The following MYO10 variants were observed in gnomAD, a reference collection of about 807,000 sequenced individuals.
MYO10 encodes myosin X.
In MYO10, 133 loss-of-function variants were observed where a neutral mutation model predicts 257.3. That is an observed-to-expected ratio of 0.52 (90% CI 0.45 to 0.60). MYO10 has a LOEUF of 0.60. MYO10 is among the 20% of genes least tolerant of loss of function. MYO10 has a pLI of 0.00. For synonymous variants in MYO10, 1,104 were observed against 1,028.6 expected, an observed-to-expected ratio of 1.07 and a Z score of -1.40; for missense variants, 2,399 against 2,635.7, an observed-to-expected ratio of 0.91 and a Z score of 1.97.
In MYO10 at chr5:16,928,385, G is replaced by T. The variant is rs112814889; in HGVS notation, c.21+7403C>A. On this transcript the variant is annotated intron_variant, in intron 1 of 40. Transcript: ENST00000513610. The stretch of plus-strand genomic sequence containing the variant: ...AATTTTTGGATTTTATTAGAGACAG[G>T]GTTTCACTATGTTGCCCAGGCTGGT... Among the ~76,000 whole-genome samples, 1,237 of 152,024 alleles carry T rather than the reference G, an allele frequency of 8.1e-3. 24 individuals are homozygous for T. Among genetic ancestry groups the T allele is most frequent in the African/African-American group, 0.029 (1,182 of 41,464 alleles).
chr5:16,771,546 A>G, intron 9 of MYO10, among the ~76,000 whole-genome samples: 1 of 119,748 alleles, frequency 8.4e-6, no homozygotes, highest in Admixed American at 9.5e-5. Context: ...TACTATTATG[A>G]TTTATTATTA....
chr5:16,808,872 A>G (rs1742351390), intron 3 of MYO10, among the ~76,000 whole-genome samples: 1 of 151,904 alleles, frequency 6.6e-6, no homozygotes, highest in South Asian at 2.1e-4. Context: ...GGGTTTCACC[A>G]TGTTGGCCAG....
chr5:16,865,766 G>A (rs895651070), intron 2 of MYO10, among the ~76,000 whole-genome samples: 24 of 151,316 alleles, frequency 1.6e-4, no homozygotes, highest in African/African-American at 2.7e-4. Flanking sequence ...AGCCAAGATC[G>A]CACCACTACA....
intron 21 of MYO10, among the ~76,000 whole-genome samples, chr5:16,705,598 C>A (rs565922816): frequency 6.6e-6 from 1 of 152,308 alleles, no homozygotes; most frequent in East Asian, 1.9e-4. Flanking sequence ...TAACAATCCA[C>A]ACAGATGCAT....
At chr5:16,790,230 T>C (rs1741712314) in intron 4 of MYO10, among the ~76,000 whole-genome samples, 1 of 152,136 alleles carries the variant, frequency 6.6e-6, no homozygotes, top group Admixed American at 6.5e-5. Context: ...GCAAAGATCC[T>C]GAACCAACAG....
At chr5:16,904,925 T>C (rs748513709) in intron 1 of MYO10, among the ~76,000 whole-genome samples, 11 of 151,672 alleles carry the variant, frequency 7.3e-5, no homozygotes, top group Non-Finnish European at 1.6e-4. Flanking sequence ...CAAGACTCCA[T>C]CTCAAAAAAA....
rs1738572895 is a variant in MYO10, at chr5:16,710,962, G to A, written c.2115C>T (p.Ser705=). The A allele has an allele frequency of 1.2e-6, 2 of 1,613,890 alleles. No homozygotes were observed. The highest frequency in any genetic ancestry group is 2.2e-5 in the East Asian group (1 of 44,866). The stretch of plus-strand genomic sequence containing the variant: ...TGGAGGCATCATAGAGCTGCAGCAG[G>A]CTCGTGCACTTCCCTCGGACGTCCT... ...LPEDVRGKCT[S]LLQLYDASNS... is the part of the protein sequence containing the mutation. Residue 705 remains serine (S), a synonymous_variant, in exon 21 of 41, where the codon AGC becomes AGT. Transcript: ENST00000513610.
rs548882156 is a variant in MYO10, at chr5:16,664,604, C to T, written c.*2088G>A. ...AGAAGTGGCGCTTGCTCATGCTAGACGCCTGGCCTGGTGGTTTGGGTACAT... is the reference window on the plus strand; with the variant it reads ...AGAAGTGGCGCTTGCTCATGCTAGATGCCTGGCCTGGTGGTTTGGGTACAT... On this transcript the variant is annotated 3_prime_UTR_variant, in exon 41 of 41. Transcript: ENST00000513610. The T allele has an allele frequency of 2.6e-5, 4 of 152,284 alleles. No individual in the cohort carries two copies. Among genetic ancestry groups the T allele is most frequent in the East Asian group, 1.9e-4 (1 of 5,172 alleles). 9.4% of individuals were successfully genotyped at this position (152,284 alleles called of 1,614,324 possible).
chr5:16,805,649 C>T (rs527733908), intron 3 of MYO10, among the ~76,000 whole-genome samples: 11 of 152,188 alleles, frequency 7.2e-5, no homozygotes, highest in African/African-American at 2.6e-4. Flanking sequence ...GGTGGGGCCA[C>T]GTACCGGTTT....
Position 16,816,337 on chromosome 5 carries a change from C to CAA in MYO10, c.279+1670_279+1671dup, listed in dbSNP as rs369557076. On this transcript the variant is annotated intron_variant, in intron 3 of 40. Coordinates refer to ENST00000513610, the MANE Select transcript of MYO10 (RefSeq NM_012334.3). ...CTGGTGACAGAGTGAGACTCTGTCTCAAAAAAAAAAAAAAAAGGCAAATAC... is the reference window on the plus strand; with the variant it reads ...CTGGTGACAGAGTGAGACTCTGTCTCAAAAAAAAAAAAAAAAAAGGCAAATAC... 3.3e-3 allele frequency among the ~76,000 whole-genome samples: 356 copies of CAA among 106,300 alleles called. 6 individuals are homozygous for CAA. Among genetic ancestry groups the CAA allele is most frequent in the African/African-American group, 0.012 (321 of 27,614 alleles). The allele number at this position is 106,300 out of a possible 152,430, so 69.7% of individuals were successfully genotyped here.
chr5:16,838,367 T>C lies in MYO10; in HGVS notation c.121-20200A>G, dbSNP rs529603452. ...GTCTTGTTGCTGACATAGAGGAAGT[T>C]TGAGTGGTCTGGATAGATCAAACCA... On this transcript the variant is annotated intron_variant, in intron 2 of 40. Coordinates refer to ENST00000513610, the MANE Select transcript of MYO10 (RefSeq NM_012334.3). Among the ~76,000 whole-genome samples the C allele has an allele frequency of 1.4e-4, 22 of 152,294 alleles. 1 individual carries two copies. In the South Asian group the frequency reaches 1.7e-3, roughly 11 times the overall value.
chr5:16,752,972 G>A (rs1047345866), intron 19 of MYO10, among the ~76,000 whole-genome samples: 6 of 152,088 alleles, frequency 3.9e-5, no homozygotes, highest in African/African-American at 1.4e-4. Context: ...CCAGAATCAT[G>A]CACATAAAGT....
Position 16,681,278 on chromosome 5 carries a change from T to C in MYO10, c.4384+31A>G, listed in dbSNP as rs144271954. The C allele has an allele frequency of 1.7e-3, 2,697 of 1,581,222 alleles. 36 individuals are homozygous for C. In the African/African-American group the frequency reaches 0.03, roughly 18 times the overall value. ...AGCAAGCCCAGACTTTAAGATTTGA[T>C]GCTCAGGGTTCGGGCAGCCAGCCTG... On this transcript the variant is annotated intron_variant, in intron 32 of 40. Transcript: ENST00000513610.
intron 21 of MYO10, among the ~76,000 whole-genome samples, chr5:16,707,036 T>A (rs752996390): frequency 1.3e-5 from 2 of 152,208 alleles, no homozygotes; most frequent in Non-Finnish European, 2.9e-5. Flanking sequence ...GGCGCAGGTC[T>A]TTCCCATGCT....
chr5:16,854,893 G>A (rs531164432), intron 2 of MYO10, among the ~76,000 whole-genome samples: 187 of 152,038 alleles, frequency 1.2e-3, no homozygotes, highest in Non-Finnish European at 8.1e-4. Flanking sequence ...TTAGCCGGGC[G>A]TGCGTGGCGG....
At chr5:16,863,811 C>A (rs1311540059) in intron 2 of MYO10, among the ~76,000 whole-genome samples, 1 of 152,200 alleles carries the variant, frequency 6.6e-6, no homozygotes, top group Non-Finnish European at 1.5e-5. Flanking sequence ...AACAGTGAAA[C>A]TCCGGGCCAG....
intron 2 of MYO10, among the ~76,000 whole-genome samples, chr5:16,852,050 C>CAAAAAAAAAAA: frequency 2.3e-5 from 1 of 42,570 alleles, no homozygotes; most frequent in Admixed American, 4.2e-4. Context: ...GACTCCATCT[C>CAAAAAAAAAAA]AAAAAAAAAA....
intron 19 of MYO10, among the ~76,000 whole-genome samples, chr5:16,713,844 G>A (rs1460771570): frequency 1.3e-5 from 2 of 152,172 alleles, no homozygotes; most frequent in African/African-American, 4.8e-5. Context: ...CTCTGCTACT[G>A]CGCTGCCTCC....
intron 2 of MYO10, among the ~76,000 whole-genome samples, chr5:16,848,209 A>G (rs977251522): frequency 1.5e-5 from 2 of 134,034 alleles, no homozygotes. Flanking sequence ...CCCATGCTAG[A>G]GTGCAGTGGC....
Sources: allele counts gnomAD v4.1 joint callset (sites outside exome capture counted in the v4.1 genomes callset), GRCh38; gene constraint gnomAD v4.1.1; transcripts MANE v1.5; gene names NCBI Gene and HGNC (gene_info 2026-07-23, HGNC 2026-07-21).